The following CLVS1 variants were observed in gnomAD, a reference collection of about 807,000 sequenced individuals.
CLVS1 encodes the protein clavesin 1.
Under a neutral mutation model 33.1 loss-of-function variants are expected in CLVS1, and 10 were observed. The observed-to-expected ratio is 0.30, with a 90% CI of 0.19 to 0.51. The LOEUF is 0.51. CLVS1 is among the 20% of genes least tolerant of loss of function. The pLI, the probability that CLVS1 is intolerant of heterozygous loss-of-function variation, is 0.97. For missense variants in CLVS1, 343 were observed against 433.4 expected (o/e 0.79, Z 1.85); for synonymous variants, 163 against 166.1 (o/e 0.98, Z 0.14).
At chr8:61,029,618 T>C in the CLVS1 span, among the ~76,000 whole-genome samples, 1 of 152,036 alleles carries the variant, frequency 6.6e-6, no homozygotes, top group African/African-American at 2.4e-5. Flanking sequence ...TTTTTTATTA[T>C]ATTTAAGTTA....
At chr8:61,104,046 C>T (rs1805494028) in intron 1 of CLVS1, among the ~76,000 whole-genome samples, 1 of 152,180 alleles carries the variant, frequency 6.6e-6, no homozygotes, top group Non-Finnish European at 1.5e-5. Flanking sequence ...GTTCACTTTG[C>T]ATGTTTCCTG....
chr8:61,299,402 A>G (rs1021944765), intron 1 of CLVS1, among the ~76,000 whole-genome samples: 34 of 152,170 alleles, frequency 2.2e-4, no homozygotes, highest in African/African-American at 8.2e-4. Context: ...TGCTATTGCT[A>G]ATCTGATCAA....
At chr8:61,134,424 T>A (rs1274369763) in intron 2 of CLVS1, among the ~76,000 whole-genome samples, 1 of 152,252 alleles carries the variant, frequency 6.6e-6, no homozygotes, top group Non-Finnish European at 1.5e-5. Flanking sequence ...GAATAATTTT[T>A]AAAATTCTAA....
At chr8:61,297,831 G>A (rs1810273337) in intron 1 of CLVS1, among the ~76,000 whole-genome samples, 2 of 152,236 alleles carry the variant, frequency 1.3e-5, no homozygotes, top group South Asian at 4.1e-4. Context: ...GGTAAAATGG[G>A]AGAAGGAGGT....
rs1447860148 is a variant in CLVS1, at chr8:61,202,829, C to CTGATGAAGATGATGATGA, written c.-152+70979_-152+70996dup. Reference sequence around the variant, plus strand: ...CCACAGAAAAAAGTAAAACTTGCTGCTGATGAAGATGATGATGATGATGAA... The same window carrying CTGATGAAGATGATGATGA: ...CCACAGAAAAAAGTAAAACTTGCTGCTGATGAAGATGATGATGATGATGAAGATGATGATGATGATGAA... On this transcript the variant is annotated intron_variant, in intron 2 of 2. Coordinates refer to the CLVS1 transcript ENST00000522621. 5.6e-6 allele frequency: 6 copies of CTGATGAAGATGATGATGA among 1,078,434 alleles called. No individual in the cohort carries two copies. The African/African-American group carries it at 9.4e-5, about 17-fold the overall frequency. The allele number at this position is 1,078,434 out of a possible 1,614,324, so 66.8% of individuals were successfully genotyped here. A position where few individuals can be genotyped will look rare whatever the true frequency, so the allele number is the denominator to read the frequency against.
At chr8:61,351,949 G>A (rs897470320) in intron 2 of CLVS1, among the ~76,000 whole-genome samples, 1 of 151,920 alleles carries the variant, frequency 6.6e-6, no homozygotes, top group African/African-American at 2.4e-5. Context: ...TTCTTTAAAT[G>A]GAAAGTAAAA....
At position 61,332,436 on chromosome 8, in the gene CLVS1, T is replaced by A. The variant is rs1337835900; in HGVS notation, c.455+32154T>A. Among the ~76,000 whole-genome samples the A allele has an allele frequency of 1.3e-5, 2 of 152,124 alleles. 1 individual carries two copies. The highest frequency in any genetic ancestry group is 2.9e-5 in the Non-Finnish European group (2 of 68,022). On this transcript the variant is annotated intron_variant, in intron 2 of 5. Coordinates refer to ENST00000325897, the MANE Select transcript of CLVS1 (RefSeq NM_173519.3). ...CATTTCTAGGAGTTTGTGGTGCAAA[T>A]TGACTTGCTTTTTGCTGGCTTACTT... is the stretch of plus-strand genomic sequence containing the variant.
intron 1 of CLVS1, among the ~76,000 whole-genome samples, chr8:61,065,116 C>T (rs1299207637): frequency 4.6e-5 from 7 of 152,188 alleles, no homozygotes; most frequent in South Asian, 2.1e-4. Context: ...CCAGGACACC[C>T]GCAAGGATAC....
chr8:61,089,642 G>C (rs1382601992), intron 1 of CLVS1, among the ~76,000 whole-genome samples: 2 of 152,190 alleles, frequency 1.3e-5, no homozygotes, highest in African/African-American at 4.8e-5. Context: ...TACCAGGCTG[G>C]GCATGGCGGT....
rs141041198 is a variant in CLVS1, at chr8:61,446,481, G to T, written c.631-7660G>T. Reference sequence around the variant, plus strand: ...AAAGTTGAGAGGTTGTATCTGTTGAGGGCCTTCTTGCTGGTGGGGACTATG... The same window carrying T: ...AAAGTTGAGAGGTTGTATCTGTTGATGGCCTTCTTGCTGGTGGGGACTATG... On this transcript the variant is annotated intron_variant, in intron 3 of 5. Coordinates refer to ENST00000325897, the MANE Select transcript of CLVS1 (RefSeq NM_173519.3). 3.9e-3 allele frequency among the ~76,000 whole-genome samples: 593 copies of T among 152,244 alleles called. 2 individuals carry two copies. The highest frequency in any genetic ancestry group is 0.013 in the African/African-American group (538 of 41,538).
intron 2 of CLVS1, among the ~76,000 whole-genome samples, chr8:61,250,964 G>A (rs1026302082): frequency 6.6e-6 from 1 of 152,178 alleles, no homozygotes; most frequent in Non-Finnish European, 1.5e-5. Flanking sequence ...GAATAGGAGT[G>A]GTGAGAGAGG....
chr8:61,160,441 T>A (rs1223195122), intron 2 of CLVS1, among the ~76,000 whole-genome samples: 1 of 152,216 alleles, frequency 6.6e-6, no homozygotes, highest in Non-Finnish European at 1.5e-5. Context: ...GCCTTCCTAA[T>A]GCCTGCCAAC....
At chr8:60,975,361 T>G in the CLVS1 span, among the ~76,000 whole-genome samples, 149 of 152,274 alleles carry the variant, frequency 9.8e-4, no homozygotes, top group African/African-American at 3.5e-3. Context: ...AAACTAGGGT[T>G]TTGTAGTGGC....
chr8:61,402,064 C>A (rs1191972869), intron 3 of CLVS1, among the ~76,000 whole-genome samples: 1 of 151,978 alleles, frequency 6.6e-6, no homozygotes, highest in Admixed American at 6.6e-5. Context: ...GCCTGGAACC[C>A]ACTCGGTAAA....
chr8:61,295,828 A>C (rs898739012), intron 1 of CLVS1, among the ~76,000 whole-genome samples: 1 of 152,104 alleles, frequency 6.6e-6, no homozygotes, highest in Admixed American at 6.6e-5. Flanking sequence ...TAATATACTC[A>C]TTTCATACAG....
chr8:61,394,209 G>A (rs1814425359), intron 3 of CLVS1, among the ~76,000 whole-genome samples: 1 of 152,178 alleles, frequency 6.6e-6, no homozygotes, highest in South Asian at 2.1e-4. Context: ...ATGGAATGCA[G>A]GCGGTTGTTT....
chr8:61,027,675 T>A, the CLVS1 span, among the ~76,000 whole-genome samples: 2 of 152,174 alleles, frequency 1.3e-5, no homozygotes, highest in Non-Finnish European at 2.9e-5. Context: ...CTAGCATTGG[T>A]GTGTTTTGTC....
intron 2 of CLVS1, among the ~76,000 whole-genome samples, chr8:61,236,216 A>T (rs1056626185): frequency 6.6e-6 from 1 of 152,208 alleles, no homozygotes; most frequent in Non-Finnish European, 1.5e-5. Context: ...TGCATTGGCT[A>T]AGGGCATGAG....
chr8:61,443,236 C>T (rs992788047), intron 3 of CLVS1, among the ~76,000 whole-genome samples: 6 of 152,178 alleles, frequency 3.9e-5, no homozygotes, highest in Non-Finnish European at 8.8e-5. Flanking sequence ...TTAATTTTTG[C>T]AGTAACCAAC....
Sources: gnomAD v4.1 joint callset for allele counts (sites outside exome capture counted in the v4.1 genomes callset) on GRCh38, gnomAD v4.1.1 for gene constraint, MANE v1.5 for transcripts, NCBI Gene and HGNC (gene_info 2026-07-23, HGNC 2026-07-21) for gene names.